The following RAB3C variants were observed in gnomAD, a reference collection of about 807,000 sequenced individuals.
The protein encoded by RAB3C is RAB3C, member RAS oncogene family.
In RAB3C, 17 loss-of-function variants were observed where a neutral mutation model predicts 26.4. The observed-to-expected ratio is 0.64, with a 90% CI of 0.44 to 0.97. The LOEUF is 0.97. RAB3C is among the 50% of genes least tolerant of loss of function. The pLI, the probability that RAB3C is intolerant of heterozygous loss-of-function variation, is 0.00. For missense variants in RAB3C, 242 were observed against 281.9 expected (o/e 0.86, Z 1.01); for synonymous variants, 91 against 95.9 (o/e 0.95, Z 0.30).
intron 3 of RAB3C, among the ~76,000 whole-genome samples, chr5:58,778,046 T>G (rs1561127211): frequency 6.6e-6 from 1 of 152,154 alleles, no homozygotes. Context: ...CATTTGATGT[T>G]TGATGAATAC....
chr5:58,808,720 CTG>C (rs1266780959), intron 3 of RAB3C, among the ~76,000 whole-genome samples: 1 of 152,146 alleles, frequency 6.6e-6, no homozygotes, highest in Non-Finnish European at 1.5e-5. Context: ...TTTGTGCTGA[CTG>C]AGTTATTTTC....
Position 58,583,099 on chromosome 5 carries a change from C to T in RAB3C, c.-110C>T, listed in dbSNP as rs963193438. 3 of 1,573,874 alleles carry T rather than the reference C, an allele frequency of 1.9e-6. No homozygotes were observed. Among genetic ancestry groups the T allele is most frequent in the Admixed American group, 3.8e-5 (2 of 53,084 alleles). On this transcript the variant is annotated 5_prime_UTR_variant, in exon 1 of 5. Transcript: ENST00000282878. ...CAGTGCTGATGTTGGAGCCGGTTAG[C>T]GAACCCCAAGAGTGCAGAGTGTGGA... is the stretch of plus-strand genomic sequence containing the variant.
intron 2 of RAB3C, among the ~76,000 whole-genome samples, chr5:58,658,972 T>G (rs1747840347): frequency 6.6e-6 from 1 of 152,030 alleles, no homozygotes; most frequent in Non-Finnish European, 1.5e-5. Flanking sequence ...CCAGCCCAAA[T>G]TCAAAGGAGT....
At chr5:58,813,054 T>A (rs768283850) in intron 3 of RAB3C, among the ~76,000 whole-genome samples, 2 of 152,202 alleles carry the variant, frequency 1.3e-5, no homozygotes. Context: ...AGTTCTGTTA[T>A]ATGTTATCGG....
chr5:58,704,465 A>C, intron 2 of RAB3C, among the ~76,000 whole-genome samples: 1 of 152,234 alleles, frequency 6.6e-6, no homozygotes, highest in East Asian at 1.9e-4. Context: ...CTGAAAAGGA[A>C]AAAATTCTGC....
At chr5:58,627,031 T>C (rs955652215) in intron 2 of RAB3C, among the ~76,000 whole-genome samples, 4 of 152,174 alleles carry the variant, frequency 2.6e-5, no homozygotes, top group African/African-American at 4.8e-5. Context: ...TTGAGGTGTT[T>C]CCTGGTGTTT....
intron 4 of RAB3C, among the ~76,000 whole-genome samples, chr5:58,846,398 C>T (rs1212476991): frequency 3.3e-5 from 5 of 152,046 alleles, no homozygotes; most frequent in African/African-American, 1.2e-4. Context: ...CTTTTAAGCA[C>T]TTCAGGTGAT....
intron 2 of RAB3C, among the ~76,000 whole-genome samples, chr5:58,636,754 G>A (rs17279317): frequency 0.027 from 4,075 of 152,204 alleles, 85 homozygotes; most frequent in Non-Finnish European, 0.043. Flanking sequence ...TTTCGTTCCC[G>A]AAGAACATTG....
intron 4 of RAB3C, among the ~76,000 whole-genome samples, chr5:58,846,221 A>G (rs916607458): frequency 2.4e-4 from 36 of 152,138 alleles, no homozygotes; most frequent in African/African-American, 7.7e-4. Flanking sequence ...CCTTTTGGCT[A>G]TCGTGAATAA....
intron 4 of RAB3C, among the ~76,000 whole-genome samples, chr5:58,845,604 A>ATGTG (rs1462089378): frequency 1.7e-5 from 1 of 57,974 alleles, no homozygotes; most frequent in Non-Finnish European, 3.5e-5. Context: ...CTATATATAT[A>ATGTG]TATATATATG....
chr5:58,705,025 T>C (rs559984191), intron 2 of RAB3C, among the ~76,000 whole-genome samples: 7 of 152,168 alleles, frequency 4.6e-5, no homozygotes, highest in Non-Finnish European at 1.0e-4. Flanking sequence ...TCAGAGACAA[T>C]TTCACTGAAG....
At chr5:58,706,509 G>A (rs1748946087) in intron 2 of RAB3C, among the ~76,000 whole-genome samples, 1 of 152,154 alleles carries the variant, frequency 6.6e-6, no homozygotes, top group Admixed American at 6.5e-5. Flanking sequence ...TCTCTCCTTA[G>A]AAGTTTTCAT....
chr5:58,597,277 TATATACTACAC>T (rs1434150156), intron 1 of RAB3C, among the ~76,000 whole-genome samples: 19 of 108,752 alleles, frequency 1.7e-4, no homozygotes, highest in East Asian at 5.5e-4. Context: ...TATTATATAA[TATATACTACAC>T]AATATATATT....
At chr5:58,744,933 C>T (rs1337000298) in intron 3 of RAB3C, among the ~76,000 whole-genome samples, 2 of 152,076 alleles carry the variant, frequency 1.3e-5, no homozygotes, top group African/African-American at 2.4e-5. Flanking sequence ...AAATAAGACA[C>T]GTAGTGCCCT....
At chr5:58,699,276 A>G (rs1748786922) in intron 2 of RAB3C, among the ~76,000 whole-genome samples, 1 of 113,114 alleles carries the variant, frequency 8.8e-6, no homozygotes, top group Non-Finnish European at 2.3e-5. Flanking sequence ...AACAGCAAAT[A>G]TTGCAGAACA....
intron 3 of RAB3C, among the ~76,000 whole-genome samples, chr5:58,773,718 T>C (rs1383776432): frequency 6.6e-6 from 1 of 152,214 alleles, no homozygotes; most frequent in East Asian, 1.9e-4. Context: ...GTGAACAGCA[T>C]CAAGATGAAG....
chr5:58,668,649 T>C (rs1447505477), intron 2 of RAB3C, among the ~76,000 whole-genome samples: 3 of 152,094 alleles, frequency 2.0e-5, no homozygotes, highest in Non-Finnish European at 2.9e-5. Flanking sequence ...CCTCATAGTA[T>C]CTAGTTTAAG....
In RAB3C at chr5:58,679,911, G is replaced by A. The variant is rs184702041; in HGVS notation, c.253-46091G>A. ...TGTTTGATTTTCAGTGCGGAAATGT[G>A]TGCTATGCTCTTTCTTTTAGAGGTT... is the stretch of plus-strand genomic sequence containing the variant. On this transcript the variant is annotated intron_variant, in intron 2 of 4. Coordinates refer to ENST00000282878, the MANE Select transcript of RAB3C (RefSeq NM_138453.4). Among the ~76,000 whole-genome samples the A allele has an allele frequency of 1.3e-3, 193 of 152,250 alleles. 1 individual carries two copies. The highest frequency in any genetic ancestry group is 4.4e-3 in the African/African-American group (182 of 41,544).
In RAB3C at chr5:58,644,040, C is replaced by T. The variant is rs147664872; in HGVS notation, c.252+26170C>T. Among the ~76,000 whole-genome samples, 69 of 152,142 alleles carry T rather than the reference C, an allele frequency of 4.5e-4. No individual in the cohort carries two copies. In the Middle Eastern group the frequency reaches 0.02, roughly 45 times the overall value. Reference sequence around the variant, plus strand: ...TTCACCAAGTGGGTCAGGGTGGTCTCGAACTCCTGACCTCAGGTGATCCAC... The same window carrying T: ...TTCACCAAGTGGGTCAGGGTGGTCTTGAACTCCTGACCTCAGGTGATCCAC... On this transcript the variant is annotated intron_variant, in intron 2 of 4. Transcript: ENST00000282878.
Sources: gnomAD v4.1 joint callset for allele counts (sites outside exome capture counted in the v4.1 genomes callset) on GRCh38, gnomAD v4.1.1 for gene constraint, MANE v1.5 for transcripts, NCBI Gene and HGNC (gene_info 2026-07-23, HGNC 2026-07-21) for gene names.